QKI: variants seen among roughly 807,000 people sequenced by gnomAD.
QKI encodes the protein KH domain-containing RNA-binding protein QKI.
Under a neutral mutation model 39.0 loss-of-function variants are expected in QKI, and 10 were observed. That is an observed-to-expected ratio of 0.26 (90% CI 0.16 to 0.43). The LOEUF is 0.43. Ranked by LOEUF, QKI falls within the 20% of genes least tolerant of loss-of-function variation. The pLI, the probability that QKI is intolerant of heterozygous loss-of-function variation, is 1.00. For synonymous variants in QKI, 204 were observed against 155.4 expected, an observed-to-expected ratio of 1.31 and a Z score of -2.33; for missense variants, 218 against 428.0, an observed-to-expected ratio of 0.51 and a Z score of 4.33.
At chr6:163,476,334 G>A (rs750678771) in intron 2 of QKI, among the ~76,000 whole-genome samples, 27 of 148,936 alleles carry the variant, frequency 1.8e-4, no homozygotes, top group Non-Finnish European at 3.4e-4. Flanking sequence ...TTTTCTCAAG[G>A]GTCAGTCTCT....
chr6:163,559,763 T>C (rs1357080016), intron 4 of QKI, among the ~76,000 whole-genome samples: 1 of 152,238 alleles, frequency 6.6e-6, no homozygotes, highest in Admixed American at 6.5e-5. Context: ...CCATTCACCA[T>C]TGTAATGCCA....
intron 4 of QKI, among the ~76,000 whole-genome samples, chr6:163,542,078 T>G (rs1030361670): frequency 2.0e-5 from 3 of 151,926 alleles, no homozygotes; most frequent in African/African-American, 7.2e-5. Context: ...ATGTACCCTG[T>G]TTGCTAGTCA....
rs183857029 is a variant in QKI, at chr6:163,506,173, A to G, written c.402+27277A>G. 1.9e-3 allele frequency among the ~76,000 whole-genome samples: 288 copies of G among 151,938 alleles called. 2 individuals carry two copies. Among genetic ancestry groups the G allele is most frequent in the Non-Finnish European group, 2.6e-3 (175 of 67,968 alleles). On this transcript the variant is annotated intron_variant, in intron 3 of 7. Coordinates refer to ENST00000361752, the MANE Select transcript of QKI (RefSeq NM_006775.3). ...TGCAGAACTGTGAGTCAATTAAACT[A>G]CTTTTGTTTATAAATTACCCAGTCT...
chr6:163,558,557 G>A (rs915861631), intron 4 of QKI, among the ~76,000 whole-genome samples: 4 of 151,704 alleles, frequency 2.6e-5, no homozygotes, highest in East Asian at 3.9e-4. Flanking sequence ...CTGCCACCAC[G>A]CCCAGCTAAT....
intron 3 of QKI, among the ~76,000 whole-genome samples, chr6:163,533,974 A>G (rs1396233453): frequency 6.6e-6 from 1 of 152,260 alleles, no homozygotes; most frequent in Non-Finnish European, 1.5e-5. Flanking sequence ...GGAATCTAAC[A>G]ATTAGGTAAA....
chr6:163,434,017 C>T (rs953256254), intron 1 of QKI, among the ~76,000 whole-genome samples: 1 of 151,996 alleles, frequency 6.6e-6, no homozygotes, highest in Non-Finnish European at 1.5e-5. Flanking sequence ...GGCTTGTGTG[C>T]TGTGCAGTCT....
chr6:163,481,431 T>C (rs1332402235), intron 3 of QKI, among the ~76,000 whole-genome samples: 1 of 152,142 alleles, frequency 6.6e-6, no homozygotes, highest in Non-Finnish European at 1.5e-5. Flanking sequence ...ATTTCCTTGG[T>C]GTTTGGTGAG....
At chr6:163,527,746 G>C (rs1780605786) in intron 3 of QKI, among the ~76,000 whole-genome samples, 1 of 152,140 alleles carries the variant, frequency 6.6e-6, no homozygotes, top group African/African-American at 2.4e-5. Flanking sequence ...ACTGTATACA[G>C]TGGTTTCAAA....
intron 6 of QKI, chr6:163,564,005 C>T: frequency 8.1e-7 from 1 of 1,231,762 alleles, no homozygotes; most frequent in Non-Finnish European, 1.0e-6. Context: ...TTACTGAGGT[C>T]ATTCTGAGTT....
At chr6:163,466,909 A>G (rs994910246) in intron 2 of QKI, among the ~76,000 whole-genome samples, 1 of 152,182 alleles carries the variant, frequency 6.6e-6, no homozygotes, top group Non-Finnish European at 1.5e-5. Context: ...CTGCACAGCA[A>G]AGAAACAATC....
At chr6:163,432,569 AT>A (rs906952240) in intron 1 of QKI, among the ~76,000 whole-genome samples, 1 of 149,734 alleles carries the variant, frequency 6.7e-6, no homozygotes, top group Non-Finnish European at 1.5e-5. Context: ...ATTAAAAAAA[AT>A]TTTTTTTTTG....
intron 3 of QKI, among the ~76,000 whole-genome samples, chr6:163,520,325 AAC>A (rs1320894173): frequency 1.3e-5 from 2 of 152,176 alleles, no homozygotes; most frequent in Admixed American, 6.5e-5. Context: ...TCATCATTAT[AAC>A]ACTGGATAAT....
chr6:163,513,455 A>G (rs1270589149), intron 3 of QKI, among the ~76,000 whole-genome samples: 1 of 152,240 alleles, frequency 6.6e-6, no homozygotes, highest in Non-Finnish European at 1.5e-5. Context: ...TATGAATAAT[A>G]TGAATAGGCT....
At chr6:163,457,258 A>G (rs1034493590) in intron 2 of QKI, 1 of 451,460 alleles carries the variant, frequency 2.2e-6, no homozygotes. Context: ...AAAAAAAGAA[A>G]TCCTATTCAA....
At chr6:163,556,770 CT>C (rs1385233347) in intron 4 of QKI, among the ~76,000 whole-genome samples, 2 of 152,092 alleles carry the variant, frequency 1.3e-5, no homozygotes, top group Non-Finnish European at 2.9e-5. Flanking sequence ...GGTGTATTAT[CT>C]TTCTATAAAT....
chr6:163,428,684 A>T (rs1788595304), intron 1 of QKI, among the ~76,000 whole-genome samples: 1 of 151,736 alleles, frequency 6.6e-6, no homozygotes, highest in South Asian at 2.1e-4. Flanking sequence ...TCCTTCTTAG[A>T]TGTGATTCAG....
Position 163,574,524 on chromosome 6 carries a change from TTACAAA to T in QKI, c.*3819_*3824del, listed in dbSNP as rs1170954384. On this transcript the variant is annotated 3_prime_UTR_variant, in exon 8 of 8. Transcript: ENST00000361752. ...GGTATTTTTTTCTCTGTCACCTACTTTACAAATACAGTCAGACTAAAACATTAAACA... is the reference window on the plus strand; with the variant it reads ...GGTATTTTTTTCTCTGTCACCTACTTTACAGTCAGACTAAAACATTAAACA... 2 of 152,210 alleles carry T rather than the reference TTACAAA, an allele frequency of 1.3e-5. No homozygotes were observed. The highest frequency in any genetic ancestry group is 6.5e-5 in the Admixed American group (1 of 15,270). 9.4% of individuals were successfully genotyped at this position (152,210 alleles called of 1,614,324 possible).
At chr6:163,460,283 G>A (rs913734344) in intron 2 of QKI, among the ~76,000 whole-genome samples, 6 of 152,136 alleles carry the variant, frequency 3.9e-5, no homozygotes, top group African/African-American at 7.2e-5. Context: ...GCTTTGAAAG[G>A]CATCTCTTGG....
intron 1 of QKI, chr6:163,415,864 G>C: frequency 2.0e-6 from 1 of 503,890 alleles, no homozygotes; most frequent in Non-Finnish European, 4.0e-6. Flanking sequence ...CGTGGTTGGG[G>C]AGTTGGTGCA....
Sources: gnomAD v4.1 joint callset for allele counts (sites outside exome capture counted in the v4.1 genomes callset) on GRCh38, gnomAD v4.1.1 for gene constraint, MANE v1.5 for transcripts, NCBI Gene and HGNC (gene_info 2026-07-23, HGNC 2026-07-21) for gene names.